PHLDB2: variants seen among roughly 807,000 people sequenced by gnomAD.
The protein encoded by PHLDB2 is pleckstrin homology like domain family B member 2.
In PHLDB2, 71 loss-of-function variants were observed where a neutral mutation model predicts 123.6. The ratio of observed to expected loss-of-function variants is 0.57; its 90% CI spans 0.47 to 0.70. The LOEUF is 0.70. Among genes scored for constraint, PHLDB2 ranks in the 30% least tolerant of loss-of-function variants. The pLI is 0.00. For missense variants in PHLDB2, 1,446 were observed against 1,519.5 expected (o/e 0.95, Z 0.80); for synonymous variants, 547 against 541.6 (o/e 1.01, Z -0.14).
intron 2 of PHLDB2, among the ~76,000 whole-genome samples, chr3:111,904,596 G>A (rs1307157588): frequency 6.6e-6 from 1 of 152,134 alleles, no homozygotes; most frequent in African/African-American, 2.4e-5. Context: ...TGTGGTGGGT[G>A]TGAAAGGGGA....
At chr3:111,821,636 A>G (rs551186198) in intron 1 of PHLDB2, among the ~76,000 whole-genome samples, 10 of 152,346 alleles carry the variant, frequency 6.6e-5, no homozygotes, top group African/African-American at 2.4e-4. Context: ...TCATTTAAAT[A>G]TTAATCTTAA....
At chr3:111,968,902 C>G (rs527685834) in intron 15 of PHLDB2, among the ~76,000 whole-genome samples, 1 of 152,258 alleles carries the variant, frequency 6.6e-6, no homozygotes, top group Admixed American at 6.5e-5. Flanking sequence ...AGTGTTGCCT[C>G]CAAGTATATA....
intron 9 of PHLDB2, among the ~76,000 whole-genome samples, chr3:111,946,506 A>G (rs949288860): frequency 2.0e-5 from 3 of 152,238 alleles, no homozygotes; most frequent in Admixed American, 6.5e-5. Flanking sequence ...AAGTGTGACT[A>G]TATGTGTACC....
Position 111,884,388 on chromosome 3 carries a change from C to A in PHLDB2, c.311C>A (p.Pro104His), listed in dbSNP as rs559686481. Residue 104 changes from proline to histidine, a missense_variant, in exon 2 of 18, where the codon CCT (proline) becomes CAT (histidine). Transcript: ENST00000431670. ...FSYDGTDKNI[P>H]MKPPTPLLNT... Reference sequence around the variant, plus strand: ...TATGATGGAACTGACAAAAATATTCCTATGAAACCTCCAACTCCTTTACTC... The same window carrying A: ...TATGATGGAACTGACAAAAATATTCATATGAAACCTCCAACTCCTTTACTC... The A allele has an allele frequency of 3.7e-6, 6 of 1,614,130 alleles. No individual in the cohort carries two copies. The South Asian group carries it at 5.5e-5, about 15-fold the overall frequency.
At chr3:111,951,221 T>C (rs539655346) in intron 10 of PHLDB2, among the ~76,000 whole-genome samples, 47 of 152,184 alleles carry the variant, frequency 3.1e-4, no homozygotes, top group African/African-American at 1.1e-3. Context: ...TGGCCATGAA[T>C]TCTAGCTCTG....
chr3:111,859,177 G>T, upstream of PHLDB2: 2 of 985,092 alleles, frequency 2.0e-6, no homozygotes, highest in Non-Finnish European at 2.4e-6. Context: ...TAGATACTTC[G>T]CTGTCTGGTG....
At chr3:111,818,324 G>T (rs972744834) in intron 1 of PHLDB2, among the ~76,000 whole-genome samples, 6 of 152,012 alleles carry the variant, frequency 3.9e-5, no homozygotes, top group Non-Finnish European at 1.5e-5. Context: ...TTAATAAATG[G>T]TACAACCTAT....
chr3:111,967,819 G>A lies in PHLDB2; in HGVS notation c.3310G>A (p.Ala1104Thr). The A allele has an allele frequency of 1.2e-6, 2 of 1,606,828 alleles. No homozygotes were observed. Among genetic ancestry groups the A allele is most frequent in the South Asian group, 2.2e-5 (2 of 89,870 alleles). Reference sequence around the variant, plus strand: ...AGTAAAAATAAGGGAGAGACAAAGGGCACAGGTTGGTCGGTCAATCTGAAT... The same window carrying A: ...AGTAAAAATAAGGGAGAGACAAAGGACACAGGTTGGTCGGTCAATCTGAAT... Reference protein sequence around the residue: ...KEVKIRERQRAQARPLTRYLP... With the variant: ...KEVKIRERQRTQARPLTRYLP... Residue 1104 changes from alanine to threonine, a missense_variant, in exon 15 of 18, where the codon GCA becomes ACA. This residue lies in a region of PHLDB2 where 594 missense variants were observed against 646.0 expected (regional missense o/e 0.92). Coordinates refer to ENST00000431670, the MANE Select transcript of PHLDB2 (RefSeq NM_001134438.2).
chr3:111,774,036 A>T (rs1334926485), intron 1 of PHLDB2, among the ~76,000 whole-genome samples: 2 of 152,226 alleles, frequency 1.3e-5, no homozygotes, highest in Non-Finnish European at 2.9e-5. Flanking sequence ...TTTCTTCTTC[A>T]CTTAGCTGAG....
At chr3:111,940,847 A>G (rs774232434) in intron 8 of PHLDB2, among the ~76,000 whole-genome samples, 1 of 152,188 alleles carries the variant, frequency 6.6e-6, no homozygotes, top group Non-Finnish European at 1.5e-5. Flanking sequence ...ATAAGCAAGG[A>G]TGTTTTCTTC....
chr3:111,907,415 A>G (rs574941506), intron 2 of PHLDB2, among the ~76,000 whole-genome samples: 25 of 152,330 alleles, frequency 1.6e-4, no homozygotes, highest in South Asian at 8.3e-4. Flanking sequence ...CTCTACCAGC[A>G]TTAAGCATTG....
intron 1 of PHLDB2, among the ~76,000 whole-genome samples, chr3:111,805,846 C>CAA (rs10585193): frequency 0.045 from 4,154 of 93,024 alleles, 125 homozygotes; most frequent in South Asian, 0.076. Flanking sequence ...TAGATGTATG[C>CAA]AAAAAAAAAA....
chr3:111,910,719 G>C (rs2067836750), intron 2 of PHLDB2, among the ~76,000 whole-genome samples: 1 of 152,200 alleles, frequency 6.6e-6, no homozygotes, highest in Non-Finnish European at 1.5e-5. Flanking sequence ...GAAGGCTGAA[G>C]GGAGAATTAT....
At chr3:111,799,408 A>G (rs925037182) in intron 1 of PHLDB2, among the ~76,000 whole-genome samples, 51 of 152,266 alleles carry the variant, frequency 3.3e-4, no homozygotes, top group Admixed American at 6.5e-4. Flanking sequence ...AAGTATTAGA[A>G]AAGAAAATTA....
chr3:111,934,735 T>A (rs1196006324), intron 6 of PHLDB2, among the ~76,000 whole-genome samples: 2 of 152,208 alleles, frequency 1.3e-5, no homozygotes, highest in Non-Finnish European at 2.9e-5. Flanking sequence ...CCTGGGTTAC[T>A]AATAGTGTAG....
intron 16 of PHLDB2, 87 bp downstream of exon 16, chr3:111,969,996 G>A (rs2072058649): frequency 2.4e-6 from 3 of 1,270,122 alleles, no homozygotes; most frequent in Admixed American, 3.5e-5. Context: ...AGTGTAAATA[G>A]GTAGGTTGAT....
chr3:111,802,512 C>T (rs1164865584), intron 1 of PHLDB2, among the ~76,000 whole-genome samples: 1 of 152,150 alleles, frequency 6.6e-6, no homozygotes, highest in Non-Finnish European at 1.5e-5. Context: ...CCTGTTTTCC[C>T]AACTCTCATT....
intron 12 of PHLDB2, among the ~76,000 whole-genome samples, chr3:111,955,163 C>CAA (rs2070977015): frequency 2.6e-5 from 3 of 116,444 alleles, no homozygotes. Context: ...ATATATATCT[C>CAA]TCACTGGAAC....
chr3:111,973,825 TC>T lies in PHLDB2; in HGVS notation c.3621+9del. On this transcript the variant is annotated intron_variant, in intron 17 of 17. Transcript: ENST00000431670. ...CTCAAGAATGCTAATAAGGTAAACA[TC>T]AGTTTTCTAAATTCCTACAATTTGA... is the stretch of plus-strand genomic sequence containing the variant. 6.6e-7 allele frequency: 1 copy of T among 1,522,352 alleles called. No homozygotes were observed. Among genetic ancestry groups the T allele is most frequent in the Non-Finnish European group, 9.0e-7 (1 of 1,110,576 alleles). The allele number at this position is 1,522,352 out of a possible 1,614,324, so 94.3% of individuals were successfully genotyped here.
Sources: allele counts gnomAD v4.1 joint callset (sites outside exome capture counted in the v4.1 genomes callset), GRCh38; gene constraint gnomAD v4.1.1; regional missense constraint gnomAD v4.1.1; transcripts MANE v1.5; gene names NCBI Gene and HGNC (gene_info 2026-07-23, HGNC 2026-07-21).